Variants in LRRC58 observed in about 807,000 individuals in gnomAD.
LRRC58 encodes the protein leucine-rich repeat-containing protein 58.
In LRRC58, 18 loss-of-function variants were observed where a neutral mutation model predicts 30.6. That is an observed-to-expected ratio of 0.59 (90% CI 0.41 to 0.87). The LOEUF is 0.87. LRRC58 is among the 40% of genes least tolerant of loss of function. LRRC58 has a pLI of 0.00. For missense variants in LRRC58, 420 were observed against 468.4 expected, an observed-to-expected ratio of 0.90 and a Z score of 0.95; for synonymous variants, 221 against 206.0, an observed-to-expected ratio of 1.07 and a Z score of -0.62.
intron 3 of LRRC58, among the ~76,000 whole-genome samples, chr3:120,332,887 C>T (rs1000308175): frequency 2.6e-5 from 4 of 151,784 alleles, no homozygotes; most frequent in African/African-American, 7.3e-5. Flanking sequence ...GTAGCTGGGA[C>T]GACAAGCACA....
chr3:120,341,679 T>C (rs1935906258), intron 1 of LRRC58, among the ~76,000 whole-genome samples: 1 of 152,166 alleles, frequency 6.6e-6, no homozygotes, highest in Admixed American at 6.5e-5. Context: ...GCTTCCTCTC[T>C]CCATCATGTT....
At chr3:120,344,970 G>C (rs933982343) in intron 1 of LRRC58, among the ~76,000 whole-genome samples, 7 of 152,128 alleles carry the variant, frequency 4.6e-5, no homozygotes, top group Non-Finnish European at 1.0e-4. Context: ...ACCACATTTT[G>C]ATGGAAAGTA....
Position 120,325,215 on chromosome 3 carries a change from T to C in LRRC58, c.*5985A>G, listed in dbSNP as rs1372393835. The C allele has an allele frequency of 4.6e-5, 7 of 152,220 alleles. No individual in the cohort carries two copies. The highest frequency in any genetic ancestry group is 2.9e-5 in the Non-Finnish European group (2 of 68,040). The allele number at this position is 152,220 out of a possible 1,614,324, so 9.4% of individuals were successfully genotyped here. On this transcript the variant is annotated 3_prime_UTR_variant, in exon 4 of 4. Coordinates refer to ENST00000295628, the MANE Select transcript of LRRC58 (RefSeq NM_001099678.2). Reference sequence around the variant, plus strand: ...TTAACAATTTAAGTTAGTGAAAGGATTCTCTTAAACATAAGCGGTAGACAT... The same window carrying C: ...TTAACAATTTAAGTTAGTGAAAGGACTCTCTTAAACATAAGCGGTAGACAT...
Position 120,335,925 on chromosome 3 carries a change from A to C in LRRC58, c.529T>G (p.Phe177Val). Reference protein sequence around the residue: ...SLECLYLGGNFIKEIPPELGN... With the variant: ...SLECLYLGGNVIKEIPPELGN... ...AATTCTGGTGGGATTTCTTTAATGA[A>C]ATTTCCTCCAAGATATAAACACTCT... The change falls in exon 2 of 4, where the codon TTC (phenylalanine) becomes GTC (valine). Residue 177 changes from phenylalanine to valine, a missense_variant. Phe to Val is a conservative substitution (Grantham distance 50). Transcript: ENST00000295628. 6.3e-7 allele frequency: 1 copy of C among 1,592,300 alleles called. No homozygotes were observed. Among genetic ancestry groups the C allele is most frequent in the African/African-American group, 1.3e-5 (1 of 74,518 alleles).
chr3:120,340,383 A>C (rs1006007947), intron 1 of LRRC58, among the ~76,000 whole-genome samples: 1 of 152,102 alleles, frequency 6.6e-6, no homozygotes, highest in Non-Finnish European at 1.5e-5. Context: ...GGTTTTCATA[A>C]TTGTCAGTTT....
intron 3 of LRRC58, among the ~76,000 whole-genome samples, chr3:120,332,691 G>A (rs1178990724): frequency 6.6e-6 from 1 of 151,928 alleles, no homozygotes; most frequent in Non-Finnish European, 1.5e-5. Context: ...AATAACTAAC[G>A]AATTTGAGGG....
At position 120,348,790 on chromosome 3, in the gene LRRC58, C is replaced by G. The variant is rs1936010695; in HGVS notation, c.454G>C (p.Gly152Arg). The change falls in exon 1 of 4, where the codon GGC becomes CGC. Residue 152 changes from glycine (G) to arginine (R), a missense_variant. This residue lies in a region of LRRC58 where 266 missense variants were observed against 251.7 expected (regional missense o/e 1.06). Transcript: ENST00000295628. ...GCCGGGATGCTCTGCAGTTGGTTGC[C>G]GCCCAGGCTCAGGGTCTGCAGCGCG... Reference protein sequence around the residue: ...LRALQTLSLGGNQLQSIPAEI... With the variant: ...LRALQTLSLGRNQLQSIPAEI... 1.4e-5 allele frequency: 22 copies of G among 1,605,344 alleles called. No individual in the cohort carries two copies. The highest frequency in any genetic ancestry group is 1.9e-5 in the Non-Finnish European group (22 of 1,176,734).
rs1401239161 is a variant in LRRC58, at chr3:120,324,800, A to T, written c.*6400T>A. 1 of 152,174 alleles carries T rather than the reference A, an allele frequency of 6.6e-6. No individual in the cohort carries two copies. Among genetic ancestry groups the T allele is most frequent in the Non-Finnish European group, 1.5e-5 (1 of 68,016 alleles). The allele number at this position is 152,174 out of a possible 1,614,324, so 9.4% of individuals were successfully genotyped here. A position where few individuals can be genotyped will look rare whatever the true frequency, so the allele number is the denominator to read the frequency against. On this transcript the variant is annotated 3_prime_UTR_variant, in exon 4 of 4. Transcript: ENST00000295628. ...AAATTTGATATTAATATAATAAACA[A>T]TAACTTATCCTAAATATAAAAATTG...
intron 1 of LRRC58, among the ~76,000 whole-genome samples, chr3:120,347,689 C>A (rs527844751): frequency 2.0e-5 from 3 of 151,116 alleles, no homozygotes; most frequent in African/African-American, 7.3e-5. Context: ...CCGCGCCCGG[C>A]CTTCCCAGGC....
intron 1 of LRRC58, among the ~76,000 whole-genome samples, chr3:120,346,925 G>C (rs1935975559): frequency 6.6e-6 from 1 of 152,098 alleles, no homozygotes; most frequent in African/African-American, 2.4e-5. Context: ...CTTTATCATA[G>C]CCTTCAAGAC....
chr3:120,339,985 C>T (rs761254812), intron 1 of LRRC58, among the ~76,000 whole-genome samples: 1 of 152,078 alleles, frequency 6.6e-6, no homozygotes, highest in Non-Finnish European at 1.5e-5. Flanking sequence ...CTCAGCCTCC[C>T]GAGTAGTTGG....
At chr3:120,333,662 A>T (rs1194107554) in intron 3 of LRRC58, among the ~76,000 whole-genome samples, 1 of 152,178 alleles carries the variant, frequency 6.6e-6, no homozygotes, top group African/African-American at 2.4e-5. Context: ...TGGATTTTTT[A>T]AAAGTAGTCT....
chr3:120,346,958 A>C (rs968652767), intron 1 of LRRC58, among the ~76,000 whole-genome samples: 5 of 152,152 alleles, frequency 3.3e-5, no homozygotes, highest in Non-Finnish European at 7.4e-5. Flanking sequence ...GACTTGCCCA[A>C]ATTTATATTT....
chr3:120,340,102 G>A (rs762574314), intron 1 of LRRC58, among the ~76,000 whole-genome samples: 1 of 151,950 alleles, frequency 6.6e-6, no homozygotes, highest in African/African-American at 2.4e-5. Context: ...CTCATGATAC[G>A]CCCACTTTGG....
intron 1 of LRRC58, among the ~76,000 whole-genome samples, chr3:120,346,413 T>C (rs1386019765): frequency 6.6e-6 from 1 of 152,198 alleles, no homozygotes; most frequent in African/African-American, 2.4e-5. Context: ...TTCCAATGCT[T>C]ACTAGCCTTG....
In LRRC58 at chr3:120,329,862, C is replaced by T. The variant is rs1935730065; in HGVS notation, c.*1338G>A. On this transcript the variant is annotated 3_prime_UTR_variant, in exon 4 of 4. Coordinates refer to ENST00000295628, the MANE Select transcript of LRRC58 (RefSeq NM_001099678.2). ...ATCAACTTATAGTTGTACTATTATT[C>T]AATTTGTATTGCATATTAAAGTACT... The T allele has an allele frequency of 1.3e-5, 2 of 151,906 alleles. No homozygotes were observed. Among genetic ancestry groups the T allele is most frequent in the Non-Finnish European group, 2.9e-5 (2 of 67,894 alleles). The allele number at this position is 151,906 out of a possible 1,614,324, so 9.4% of individuals were successfully genotyped here.
Position 120,329,972 on chromosome 3 carries a change from A to T in LRRC58, c.*1228T>A, listed in dbSNP as rs1233684457. 1 of 151,892 alleles carries T rather than the reference A, an allele frequency of 6.6e-6. No individual in the cohort carries two copies. The highest frequency in any genetic ancestry group is 2.4e-5 in the African/African-American group (1 of 41,398). 9.4% of individuals were successfully genotyped at this position (151,892 alleles called of 1,614,324 possible). On this transcript the variant is annotated 3_prime_UTR_variant, in exon 4 of 4. Coordinates refer to ENST00000295628, the MANE Select transcript of LRRC58 (RefSeq NM_001099678.2). ...CATTAAGGATACAATATATTTAATA[A>T]TTTTTTTCTATTTTATTAATACTTT...
chr3:120,349,036 G>T lies in LRRC58; in HGVS notation c.208C>A (p.Leu70Ile). The T allele has an allele frequency of 6.6e-7, 1 of 1,518,338 alleles. No individual in the cohort carries two copies. The highest frequency in any genetic ancestry group is 8.8e-7 in the Non-Finnish European group (1 of 1,140,934). 94.1% of individuals were successfully genotyped at this position (1,518,338 alleles called of 1,614,324 possible). Residue 70 changes from leucine to isoleucine, a missense_variant, in exon 1 of 4, where the codon CTC (leucine) becomes ATC (isoleucine). Leu to Ile is a conservative substitution (Grantham distance 5). Coordinates refer to ENST00000295628, the MANE Select transcript of LRRC58 (RefSeq NM_001099678.2). Reference sequence around the variant, plus strand: ...TTGCCGCTCACGTCCAGCAGCTGGAGGTGCGGGAAGCCGCTGCCCAGCGCC... The same window carrying T: ...TTGCCGCTCACGTCCAGCAGCTGGATGTGCGGGAAGCCGCTGCCCAGCGCC... ...PRALGSGFPH[L>I]QLLDVSGNAL...
rs1262826039 is a variant in LRRC58 at position 120,330,210 on chromosome 3, A to C, written c.*990T>G. On this transcript the variant is annotated 3_prime_UTR_variant, in exon 4 of 4. Coordinates refer to ENST00000295628, the MANE Select transcript of LRRC58 (RefSeq NM_001099678.2). ...TACCCATTTAATGCAAGATATAAAGAAGCTTTCCTAGCTTCTATCTCTTTT... is the reference window on the plus strand; with the variant it reads ...TACCCATTTAATGCAAGATATAAAGCAGCTTTCCTAGCTTCTATCTCTTTT... 1.3e-5 allele frequency: 2 copies of C among 152,124 alleles called. No individual in the cohort carries two copies. The highest frequency in any genetic ancestry group is 6.5e-5 in the Admixed American group (1 of 15,276). 9.4% of individuals were successfully genotyped at this position (152,124 alleles called of 1,614,324 possible). A position where few individuals can be genotyped will look rare whatever the true frequency, so the allele number is the denominator to read the frequency against.
Sources: gnomAD v4.1 joint callset for allele counts (sites outside exome capture counted in the v4.1 genomes callset) on GRCh38, gnomAD v4.1.1 for gene constraint, gnomAD v4.1.1 regional missense constraint, MANE v1.5 for transcripts, NCBI Gene and HGNC (gene_info 2026-07-23, HGNC 2026-07-21) for gene names.